CDKAL1: variants seen among roughly 807,000 people sequenced by gnomAD.
CDKAL1 encodes threonylcarbamoyladenosine tRNA methylthiotransferase.
A neutral mutation model predicts 68.2 loss-of-function variants in CDKAL1; 32 were observed. That is an observed-to-expected ratio of 0.47 (90% CI 0.35 to 0.63). The LOEUF is 0.63. CDKAL1 is among the 30% of genes least tolerant of loss of function. The probability of loss-of-function intolerance (pLI) is 0.00; values close to 1 mark genes in which losing one functional copy is unlikely to be tolerated. For missense variants in CDKAL1, 606 were observed against 696.7 expected, an observed-to-expected ratio of 0.87 and a Z score of 1.47; for synonymous variants, 234 against 244.3, an observed-to-expected ratio of 0.96 and a Z score of 0.39.
At chr6:20,682,156 G>T (rs1017003590) in intron 5 of CDKAL1, among the ~76,000 whole-genome samples, 2 of 152,124 alleles carry the variant, frequency 1.3e-5, no homozygotes, top group African/African-American at 2.4e-5. Context: ...GAATTTGGGG[G>T]GGACACAAGC....
At position 21,000,280 on chromosome 6, in the gene CDKAL1, A is replaced by T; in HGVS notation, c.963A>T (p.Pro321=). The change falls in exon 11 of 16, where the codon CCA becomes CCT. Residue 321 remains proline, a synonymous_variant. Transcript: ENST00000274695. ...GAGTCTACGCTTTTCTGCACATACC[A>T]GTCCAGTCTGCCTCCGACAGCGTAC... ...HPRVYAFLHI[P]VQSASDSVLM... 6.2e-7 allele frequency: 1 copy of T among 1,613,982 alleles called. No homozygotes were observed. The highest frequency in any genetic ancestry group is 8.5e-7 in the Non-Finnish European group (1 of 1,179,842).
chr6:20,802,191 G>T (rs545437598), intron 8 of CDKAL1, among the ~76,000 whole-genome samples: 1 of 151,732 alleles, frequency 6.6e-6, no homozygotes, highest in African/African-American at 2.4e-5. Flanking sequence ...CCAGCTACTC[G>T]GGAGGCTGAG....
chr6:20,750,734 C>T (rs929002426), intron 6 of CDKAL1, among the ~76,000 whole-genome samples: 37 of 152,010 alleles, frequency 2.4e-4, no homozygotes, highest in Admixed American at 4.6e-4. Context: ...GAGGCCGAGG[C>T]GGGCAGATCA....
At chr6:21,203,954 T>C (rs139581454) in intron 15 of CDKAL1, among the ~76,000 whole-genome samples, 2 of 152,280 alleles carry the variant, frequency 1.3e-5, no homozygotes, top group East Asian at 3.9e-4. Context: ...GAAGGTTATA[T>C]GCACATTTTT....
chr6:20,935,587 A>G (rs1037262928), intron 9 of CDKAL1, among the ~76,000 whole-genome samples: 1 of 152,002 alleles, frequency 6.6e-6, no homozygotes, highest in African/African-American at 2.4e-5. Flanking sequence ...GCACCTCCAC[A>G]CGCAGCTAAT....
intron 8 of CDKAL1, among the ~76,000 whole-genome samples, chr6:20,831,906 A>G (rs1777735319): frequency 6.6e-6 from 1 of 152,170 alleles, no homozygotes; most frequent in Non-Finnish European, 1.5e-5. Context: ...TAGTTGTAAA[A>G]GGATCAGCTT....
At chr6:20,720,512 T>C (rs577644646) in intron 5 of CDKAL1, among the ~76,000 whole-genome samples, 3 of 152,186 alleles carry the variant, frequency 2.0e-5, no homozygotes, top group Non-Finnish European at 4.4e-5. Context: ...GCCTCTGTTA[T>C]CTGTCTTTCT....
At chr6:21,015,289 G>T (rs1351268279) in intron 11 of CDKAL1, among the ~76,000 whole-genome samples, 4 of 152,084 alleles carry the variant, frequency 2.6e-5, no homozygotes, top group Non-Finnish European at 5.9e-5. Flanking sequence ...TGAAATCAGT[G>T]TTTTTTTGTT....
chr6:20,774,444 A>G (rs1775085371), intron 7 of CDKAL1, among the ~76,000 whole-genome samples: 1 of 152,002 alleles, frequency 6.6e-6, no homozygotes, highest in African/African-American at 2.4e-5. Context: ...GTTCTTTTCT[A>G]TTTGTGAGTG....
intron 9 of CDKAL1, among the ~76,000 whole-genome samples, chr6:20,857,694 T>A (rs16884229): frequency 2.6e-5 from 4 of 152,128 alleles, no homozygotes; most frequent in African/African-American, 9.7e-5. Context: ...TCTAGAGAAC[T>A]TTCTTAATTA....
intron 13 of CDKAL1, among the ~76,000 whole-genome samples, chr6:21,182,079 CT>C (rs945253004): frequency 5.1e-4 from 77 of 152,284 alleles, no homozygotes; most frequent in African/African-American, 1.8e-3. Context: ...CTTAAATTCT[CT>C]GTGCTTCTGT....
chr6:21,143,704 A>C (rs1776030875), intron 13 of CDKAL1, among the ~76,000 whole-genome samples: 1 of 152,202 alleles, frequency 6.6e-6, no homozygotes, highest in Non-Finnish European at 1.5e-5. Context: ...TAGCATGTTC[A>C]TGTGCAGCAT....
chr6:20,673,886 G>A (rs1769966026), intron 5 of CDKAL1, among the ~76,000 whole-genome samples: 1 of 152,190 alleles, frequency 6.6e-6, no homozygotes, highest in African/African-American at 2.4e-5. Context: ...TCTTGGGTAT[G>A]TCTTTATCAG....
intron 7 of CDKAL1, among the ~76,000 whole-genome samples, chr6:20,769,199 G>A (rs1774828671): frequency 6.6e-6 from 1 of 150,426 alleles, no homozygotes; most frequent in African/African-American, 2.4e-5. Flanking sequence ...TCACAGGGGT[G>A]ACCTTTAATC....
chr6:20,646,041 C>T (rs1468938243), intron 4 of CDKAL1, among the ~76,000 whole-genome samples: 8 of 136,088 alleles, frequency 5.9e-5, no homozygotes, highest in South Asian at 2.3e-4. Flanking sequence ...GGCTATTTCA[C>T]GGTTAAATTT....
chr6:20,849,166 G>C (rs995248066), intron 9 of CDKAL1, among the ~76,000 whole-genome samples: 1 of 152,090 alleles, frequency 6.6e-6, no homozygotes, highest in Non-Finnish European at 1.5e-5. Flanking sequence ...TTGCTTACCA[G>C]CCACATGATG....
intron 5 of CDKAL1, among the ~76,000 whole-genome samples, chr6:20,718,502 A>G (rs1194845559): frequency 6.6e-6 from 1 of 152,108 alleles, no homozygotes; most frequent in Non-Finnish European, 1.5e-5. Context: ...TAGGGTTTTG[A>G]TATATGGAGT....
chr6:20,814,343 A>G (rs1776951626), intron 8 of CDKAL1, among the ~76,000 whole-genome samples: 1 of 152,132 alleles, frequency 6.6e-6, no homozygotes, highest in Non-Finnish European at 1.5e-5. Context: ...TTTGATAGTC[A>G]TGTTGTCTGT....
At chr6:20,582,629 GA>G (rs1269974631) in intron 4 of CDKAL1, among the ~76,000 whole-genome samples, 1 of 152,054 alleles carries the variant, frequency 6.6e-6, no homozygotes, top group East Asian at 1.9e-4. Context: ...GTGGTCACTG[GA>G]AATTTTCTCT....
Sources: gnomAD v4.1 joint callset for allele counts (sites outside exome capture counted in the v4.1 genomes callset) on GRCh38, gnomAD v4.1.1 for gene constraint, MANE v1.5 for transcripts, NCBI Gene and HGNC (gene_info 2026-07-23, HGNC 2026-07-21) for gene names.